Variants in MYO6 observed in about 807,000 individuals in gnomAD.
The protein encoded by MYO6 is myosin VI.
In MYO6, 74 loss-of-function variants were observed where a neutral mutation model predicts 178.7. The observed-to-expected ratio is 0.41, with a 90% CI of 0.34 to 0.50. MYO6 has a LOEUF of 0.50. MYO6 is among the 20% of genes least tolerant of loss of function. The pLI is 0.09. For synonymous variants in MYO6, 477 were observed against 504.6 expected, an observed-to-expected ratio of 0.95 and a Z score of 0.73; for missense variants, 1,330 against 1,547.4, an observed-to-expected ratio of 0.86 and a Z score of 2.36.
chr6:75,757,197 G>A (rs888644465), intron 1 of MYO6, among the ~76,000 whole-genome samples: 10 of 146,052 alleles, frequency 6.8e-5, no homozygotes, highest in Non-Finnish European at 1.4e-4. Context: ...CATATATTGT[G>A]TATATATGTA....
intron 15 of MYO6, among the ~76,000 whole-genome samples, chr6:75,861,961 C>T (rs531265634): frequency 2.0e-4 from 30 of 152,268 alleles, no homozygotes; most frequent in Non-Finnish European, 3.8e-4. Flanking sequence ...CCATTTGTAG[C>T]TTAGTTCAGC....
intron 1 of MYO6, among the ~76,000 whole-genome samples, chr6:75,753,798 C>A (rs1777106591): frequency 6.6e-6 from 1 of 152,094 alleles, no homozygotes; most frequent in African/African-American, 2.4e-5. Context: ...AGGATCTTTT[C>A]ATTTAAAATG....
intron 1 of MYO6, among the ~76,000 whole-genome samples, chr6:75,770,899 A>C (rs774117121): frequency 6.6e-6 from 1 of 152,090 alleles, no homozygotes; most frequent in Non-Finnish European, 1.5e-5. Flanking sequence ...TTGAATCTTG[A>C]TGGATAACAG....
intron 18 of MYO6, among the ~76,000 whole-genome samples, chr6:75,868,728 T>G (rs1484638808): frequency 1.3e-5 from 2 of 152,102 alleles, no homozygotes; most frequent in Admixed American, 6.5e-5. Context: ...TATAAGGCAA[T>G]AAACACAAAA....
At chr6:75,792,981 A>G (rs1768400098) in intron 1 of MYO6, among the ~76,000 whole-genome samples, 2 of 151,798 alleles carry the variant, frequency 1.3e-5, no homozygotes. Flanking sequence ...TTGTAGAGAC[A>G]AGATCTCGTC....
In MYO6 at chr6:75,802,518, C is replaced by T. The variant is rs1297430350; in HGVS notation, c.-47-14983C>T. On this transcript the variant is annotated intron_variant, in intron 1 of 34. Transcript: ENST00000369977. ...TTTTTTAATGAGACTGAGTCTCGCT[C>T]TGTCACCCAGGCTGGAGTGTAGTGG... 2.8e-5 allele frequency among the ~76,000 whole-genome samples: 4 copies of T among 143,952 alleles called. No individual in the cohort carries two copies. In the Admixed American group the frequency reaches 2.8e-4, roughly 10 times the overall value. The allele number at this position is 143,952 out of a possible 152,430, so 94.4% of individuals were successfully genotyped here.
intron 28 of MYO6, chr6:75,894,883 ATT>A (rs1779176263): frequency 1.6e-6 from 2 of 1,241,464 alleles, no homozygotes; most frequent in Non-Finnish European, 2.2e-6. Flanking sequence ...CTGAAATATA[ATT>A]TCAATCAATT....
chr6:75,757,150 TTGTG>T lies in MYO6; in HGVS notation c.-48+7735_-48+7738del, dbSNP rs764235553. On this transcript the variant is annotated intron_variant, in intron 1 of 34. Coordinates refer to ENST00000369977, the MANE Select transcript of MYO6 (RefSeq NM_004999.4). ...GTATATACAAGAGTACTTATGTGTGTTGTGTGTGTGTATGTATATACACACATAT... is the reference window on the plus strand; with the variant it reads ...GTATATACAAGAGTACTTATGTGTGTTGTGTGTATGTATATACACACATAT... Among the ~76,000 whole-genome samples, 12 of 147,674 alleles carry T rather than the reference TTGTG, an allele frequency of 8.1e-5. No individual in the cohort carries two copies. The East Asian group carries it at 1.2e-3, about 15-fold the overall frequency.
intron 19 of MYO6, 54 bp downstream of exon 19, chr6:75,870,739 T>C: frequency 7.1e-7 from 1 of 1,414,482 alleles, no homozygotes; most frequent in Non-Finnish European, 1.0e-6. Context: ...AAACTATTAT[T>C]AGTAATTATG....
intron 1 of MYO6, among the ~76,000 whole-genome samples, chr6:75,754,816 T>C (rs1237385763): frequency 6.6e-6 from 1 of 152,238 alleles, no homozygotes; most frequent in African/African-American, 2.4e-5. Context: ...AACTTATATT[T>C]GGATGGCATT....
chr6:75,802,702 G>T (rs190201853), intron 1 of MYO6, among the ~76,000 whole-genome samples: 72 of 152,006 alleles, frequency 4.7e-4, no homozygotes, highest in African/African-American at 1.7e-3. Flanking sequence ...GCCCAGGCTG[G>T]TCTTGAACTC....
chr6:75,903,956 G>A (rs1208318441), intron 30 of MYO6, among the ~76,000 whole-genome samples: 1 of 151,746 alleles, frequency 6.6e-6, no homozygotes, highest in African/African-American at 2.4e-5. Flanking sequence ...TTGCTTGTCT[G>A]TGAAGTATTT....
chr6:75,762,077 G>A (rs1348474315), intron 1 of MYO6, among the ~76,000 whole-genome samples: 7 of 151,946 alleles, frequency 4.6e-5, no homozygotes, highest in East Asian at 1.9e-4. Flanking sequence ...AACTACAGGC[G>A]TCAGCCACCA....
intron 16 of MYO6, among the ~76,000 whole-genome samples, chr6:75,864,688 A>G (rs1451248862): frequency 5.3e-5 from 8 of 152,200 alleles, no homozygotes; most frequent in Non-Finnish European, 1.0e-4. Flanking sequence ...AAAGACAGTA[A>G]ACTGAAGCAT....
chr6:75,882,251 A>G (rs1778098471), intron 23 of MYO6, among the ~76,000 whole-genome samples: 1 of 152,106 alleles, frequency 6.6e-6, no homozygotes, highest in Non-Finnish European at 1.5e-5. Flanking sequence ...TTCTCCAAAT[A>G]CTGTACATTC....
intron 22 of MYO6, among the ~76,000 whole-genome samples, chr6:75,881,234 T>G (rs1777998212): frequency 6.6e-6 from 1 of 151,254 alleles, no homozygotes; most frequent in Non-Finnish European, 1.5e-5. Flanking sequence ...AGGTTGGGGG[T>G]GGGTAATGGG....
intron 3 of MYO6, among the ~76,000 whole-genome samples, chr6:75,825,993 A>G (rs188058886): frequency 3.3e-5 from 5 of 152,328 alleles, no homozygotes; most frequent in Admixed American, 2.6e-4. Context: ...ATAATTAGGC[A>G]TAAAAGGTAA....
chr6:75,802,056 A>C (rs1199204039), intron 1 of MYO6, among the ~76,000 whole-genome samples: 5 of 152,216 alleles, frequency 3.3e-5, no homozygotes, highest in African/African-American at 1.2e-4. Flanking sequence ...GAAATGAAAA[A>C]TTTCAGTGAA....
chr6:75,879,876 C>T lies in MYO6; in HGVS notation c.2134C>T (p.His712Tyr). 1 of 1,614,118 alleles carries T rather than the reference C, an allele frequency of 6.2e-7. No individual in the cohort carries two copies. ...QGGYPSRASF[H>Y]ELYNMYKKYM... ...TGGTTACCCATCACGAGCTTCATTT[C>T]ATGAACTCTACAACATGTACAAAAA... Residue 712 changes from histidine to tyrosine, a missense_variant, in exon 21 of 35, where the codon CAT becomes TAT. By Grantham distance (83) the His-to-Tyr change is moderately conservative. This residue lies in a region of MYO6 where 613 missense variants were observed against 816.8 expected (regional missense o/e 0.75). Transcript: ENST00000369977.
Sources: allele counts gnomAD v4.1 joint callset (sites outside exome capture counted in the v4.1 genomes callset), GRCh38; gene constraint gnomAD v4.1.1; regional missense constraint gnomAD v4.1.1; transcripts MANE v1.5; gene names NCBI Gene and HGNC (gene_info 2026-07-23, HGNC 2026-07-21).